Variants in TMEM184B observed in about 807,000 individuals in gnomAD.
TMEM184B encodes the protein putative MAPK-activating protein FM08.
A neutral mutation model predicts 41.8 loss-of-function variants in TMEM184B; 17 were observed. That is an observed-to-expected ratio of 0.41 (90% CI 0.28 to 0.61). TMEM184B has a LOEUF of 0.61. TMEM184B is among the 20% of genes least tolerant of loss of function. TMEM184B has a pLI of 0.34. For missense variants in TMEM184B, 393 were observed against 557.8 expected (o/e 0.70, Z 2.98); for synonymous variants, 240 against 229.5 (o/e 1.05, Z -0.41).
At chr22:38,251,537 C>T (rs750155439) in intron 1 of TMEM184B, among the ~76,000 whole-genome samples, 15 of 152,184 alleles carry the variant, frequency 9.9e-5, no homozygotes, top group African/African-American at 2.4e-4. Context: ...AGGCAGCAGA[C>T]GGAGGCTGTC....
At chr22:38,260,693 G>C (rs1383174751) in intron 1 of TMEM184B, among the ~76,000 whole-genome samples, 1 of 152,210 alleles carries the variant, frequency 6.6e-6, no homozygotes, top group African/African-American at 2.4e-5. Flanking sequence ...AAAGCACTGA[G>C]AAGGTCTGGC....
At chr22:38,266,820 A>G (rs2092449702) in intron 1 of TMEM184B, among the ~76,000 whole-genome samples, 1 of 152,182 alleles carries the variant, frequency 6.6e-6, no homozygotes, top group African/African-American at 2.4e-5. Context: ...ACGGTGGCTC[A>G]CGCCTGTAAT....
chr22:38,272,432 G>A (rs1485322500), intron 1 of TMEM184B: 18 of 978,312 alleles, frequency 1.8e-5, no homozygotes, highest in Non-Finnish European at 2.1e-5. Context: ...AGCCCCGAAA[G>A]CCCCCCGCCG....
intron 5 of TMEM184B, among the ~76,000 whole-genome samples, chr22:38,229,270 C>G (rs1234733823): frequency 6.6e-6 from 1 of 152,256 alleles, no homozygotes; most frequent in Non-Finnish European, 1.5e-5. Context: ...AGGAGACTAA[C>G]GCAAGGTCAT....
intron 1 of TMEM184B, among the ~76,000 whole-genome samples, chr22:38,253,984 T>C (rs572546737): frequency 6.6e-5 from 10 of 152,128 alleles, no homozygotes; most frequent in East Asian, 1.9e-4. Context: ...GCGGATCACC[T>C]GAGGTCAGGA....
chr22:38,246,116 T>C lies in TMEM184B; in HGVS notation c.193-16A>G, dbSNP rs140129633. The C allele has an allele frequency of 3.1e-6, 5 of 1,603,752 alleles. No homozygotes were observed. The African/African-American group carries it at 6.7e-5, about 21-fold the overall frequency. ...GCATGTAGATCTGGGGGCAGAGGTG[T>C]GGGGTCAGCTGGGGACCCTCCTGTC... is the stretch of plus-strand genomic sequence containing the variant. On this transcript the variant is annotated splice_polypyrimidine_tract_variant and intron_variant, in intron 2 of 8. Transcript: ENST00000361906.
intron 1 of TMEM184B, among the ~76,000 whole-genome samples, chr22:38,248,655 T>C (rs929319763): frequency 6.6e-6 from 1 of 152,236 alleles, no homozygotes; most frequent in African/African-American, 2.4e-5. Flanking sequence ...CACTCATGTA[T>C]TTATTAACTG....
intron 3 of TMEM184B, chr22:38,231,595 C>A: frequency 1.7e-6 from 1 of 605,658 alleles, no homozygotes; most frequent in Non-Finnish European, 3.0e-6. Flanking sequence ...TATGAAGGGA[C>A]TGTCGTGAGT....
chr22:38,224,460 C>G (rs2091366377), intron 8 of TMEM184B, among the ~76,000 whole-genome samples: 1 of 152,150 alleles, frequency 6.6e-6, no homozygotes, highest in Non-Finnish European at 1.5e-5. Context: ...GAGGGAATTA[C>G]AGGACAAAAT....
At chr22:38,231,365 C>A in intron 3 of TMEM184B, 31 bp from the exon 4 acceptor site, 1 of 1,571,306 alleles carries the variant, frequency 6.4e-7, no homozygotes, top group Non-Finnish European at 8.8e-7. Context: ...AGAAACCAGT[C>A]AAATCAGCAG....
At position 38,253,769 on chromosome 22, in the gene TMEM184B, G is replaced by GA. The variant is rs573730105; in HGVS notation, c.-58-5751dup. Among the ~76,000 whole-genome samples the GA allele has an allele frequency of 4.9e-3, 740 of 152,094 alleles. 6 individuals are homozygous for GA. The highest frequency in any genetic ancestry group is 0.01 in the Middle Eastern group (3 of 294). On this transcript the variant is annotated intron_variant, in intron 1 of 8. Coordinates refer to ENST00000361906, the MANE Select transcript of TMEM184B (RefSeq NM_012264.5). ...ACACCAAAAGCATGATCCATAAAAG[G>GA]AAAAAATCGATAAACTGCAATATAA...
chr22:38,250,756 A>G (rs2092144828), intron 1 of TMEM184B, among the ~76,000 whole-genome samples: 1 of 151,798 alleles, frequency 6.6e-6, no homozygotes, highest in Admixed American at 6.6e-5. Context: ...CCCAGCTTGG[A>G]CTCCCAGGCA....
rs117530747 is a variant in TMEM184B, at chr22:38,226,592, G to A, written c.617+187C>T. On this transcript the variant is annotated intron_variant, in intron 6 of 8. Transcript: ENST00000361906. This position sits in a 1 kb window ranked among gnomAD's most constrained non-coding sequence, Gnocchi z 4.6. The stretch of plus-strand genomic sequence containing the variant: ...GTGACTGCTGCCAATGGCTCACTCC[G>A]GGGCTGGCAGCGGGGCCAACTGCAA... 1.6e-4 allele frequency: 90 copies of A among 565,698 alleles called. 3 individuals carry two copies. In the East Asian group the frequency reaches 2.6e-3, roughly 16 times the overall value. The allele number at this position is 565,698 out of a possible 1,614,324, so 35.0% of individuals were successfully genotyped here. A position where few individuals can be genotyped will look rare whatever the true frequency, so the allele number is the denominator to read the frequency against.
chr22:38,269,214 C>T (rs1176796240), intron 1 of TMEM184B, among the ~76,000 whole-genome samples: 1 of 152,244 alleles, frequency 6.6e-6, no homozygotes, highest in Non-Finnish European at 1.5e-5. Flanking sequence ...TCCTCCCGTG[C>T]TCCTAGTGAC....
At chr22:38,228,051 A>G (rs933975737) in intron 5 of TMEM184B, among the ~76,000 whole-genome samples, 3 of 152,150 alleles carry the variant, frequency 2.0e-5, no homozygotes, top group Admixed American at 1.3e-4. Context: ...GATCCGTGAA[A>G]CCTGCAGCTT....
At chr22:38,246,853 A>G in intron 2 of TMEM184B, 1 of 1,302,520 alleles carries the variant, frequency 7.7e-7, no homozygotes, top group Non-Finnish European at 1.0e-6. Context: ...CCCAGCTCTC[A>G]TGACATCACA....
chr22:38,266,485 TCAC>T (rs2092445434), intron 1 of TMEM184B, among the ~76,000 whole-genome samples: 1 of 152,210 alleles, frequency 6.6e-6, no homozygotes, highest in Admixed American at 6.5e-5. Context: ...AGTGCCCTGT[TCAC>T]CACTGCTGCA....
chr22:38,229,474 C>T (rs73427612), intron 5 of TMEM184B, among the ~76,000 whole-genome samples: 3,603 of 152,342 alleles, frequency 0.024, 127 homozygotes, highest in African/African-American at 0.081. Flanking sequence ...TATCCAAGGT[C>T]ACAGAGTCAG....
intron 3 of TMEM184B, among the ~76,000 whole-genome samples, chr22:38,233,463 C>T (rs2091688872): frequency 1.3e-5 from 2 of 152,204 alleles, no homozygotes; most frequent in South Asian, 2.1e-4. Flanking sequence ...CGACCATTAC[C>T]GTCTATCTGC....
Sources: gnomAD v4.1 joint callset for allele counts (sites outside exome capture counted in the v4.1 genomes callset) on GRCh38, gnomAD v4.1.1 for gene constraint, Gnocchi (gnomAD v3.1) non-coding constraint, MANE v1.5 for transcripts, NCBI Gene and HGNC (gene_info 2026-07-23, HGNC 2026-07-21) for gene names.